CDH12: variants seen among roughly 807,000 people sequenced by gnomAD.
The protein encoded by CDH12 is cadherin 12.
A neutral mutation model predicts 74.1 loss-of-function variants in CDH12; 41 were observed. The observed-to-expected ratio is 0.55, with a 90% confidence interval of 0.43 to 0.72. The LOEUF is 0.72. Ranked by LOEUF, CDH12 falls within the 30% of genes least tolerant of loss-of-function variation. The pLI, the probability that CDH12 is intolerant of heterozygous loss-of-function variation, is 0.00. For missense variants in CDH12, 945 were observed against 977.2 expected (o/e 0.97, Z 0.44); for synonymous variants, 399 against 355.0 (o/e 1.12, Z -1.39).
chr5:22,028,369 C>T (rs1020005365), intron 5 of CDH12, among the ~76,000 whole-genome samples: 3 of 152,206 alleles, frequency 2.0e-5, no homozygotes, highest in African/African-American at 7.2e-5. Context: ...ACCCCATTGT[C>T]TCAGCCCAAA....
At chr5:22,616,427 G>C (rs780444767) in intron 1 of CDH12, among the ~76,000 whole-genome samples, 4 of 151,976 alleles carry the variant, frequency 2.6e-5, no homozygotes, top group Non-Finnish European at 4.4e-5. Context: ...AAAATATCAA[G>C]ATATATATGA....
chr5:22,510,418 A>G (rs1451738133), intron 1 of CDH12, among the ~76,000 whole-genome samples: 1 of 152,218 alleles, frequency 6.6e-6, no homozygotes, highest in Non-Finnish European at 1.5e-5. Context: ...TCTAAATGAT[A>G]CATATAAATA....
At chr5:22,498,849 TATAAG>T (rs1221093380) in intron 2 of CDH12, among the ~76,000 whole-genome samples, 6 of 150,478 alleles carry the variant, frequency 4.0e-5, no homozygotes, top group African/African-American at 1.5e-4. Context: ...ATATAATTTA[TATAAG>T]TAGACATAGA....
chr5:22,404,986 G>T (rs1226781499), intron 3 of CDH12, among the ~76,000 whole-genome samples: 2 of 152,156 alleles, frequency 1.3e-5, no homozygotes, highest in African/African-American at 4.8e-5. Context: ...AAAGCAGGTG[G>T]ATCACCTGAG....
chr5:22,215,017 T>C (rs1465317346), intron 3 of CDH12, among the ~76,000 whole-genome samples: 7 of 152,200 alleles, frequency 4.6e-5, no homozygotes, highest in African/African-American at 1.7e-4. Flanking sequence ...CGTAGTCACA[T>C]GAAAATAACA....
chr5:22,477,193 C>A (rs1398939005), intron 2 of CDH12, among the ~76,000 whole-genome samples: 1 of 152,068 alleles, frequency 6.6e-6, no homozygotes, highest in Admixed American at 6.6e-5. Context: ...AAGATATTAA[C>A]CCTAGTTAAT....
At chr5:22,556,243 G>T (rs13180329) in intron 1 of CDH12, among the ~76,000 whole-genome samples, 1 of 151,908 alleles carries the variant, frequency 6.6e-6, no homozygotes, top group Non-Finnish European at 1.5e-5. Flanking sequence ...CTTTGGAAGG[G>T]TTGGAAGGGG....
At chr5:22,740,779 G>A (rs1157401925) in intron 1 of CDH12, among the ~76,000 whole-genome samples, 1 of 151,966 alleles carries the variant, frequency 6.6e-6, no homozygotes, top group Non-Finnish European at 1.5e-5. Flanking sequence ...GTGATTCCAA[G>A]AATACTTGTA....
intron 3 of CDH12, among the ~76,000 whole-genome samples, chr5:22,316,322 TC>T (rs995859385): frequency 6.6e-6 from 1 of 150,572 alleles, no homozygotes; most frequent in African/African-American, 2.4e-5. Flanking sequence ...TCCAAATAAG[TC>T]CCCCCACCAA....
chr5:22,010,340 A>C (rs968467375), intron 5 of CDH12, among the ~76,000 whole-genome samples: 16 of 152,162 alleles, frequency 1.1e-4, no homozygotes, highest in African/African-American at 3.9e-4. Context: ...TTTTCCTGTG[A>C]TCATGAGAAT....
chr5:22,827,144 C>A (rs950311299), intron 1 of CDH12, among the ~76,000 whole-genome samples: 2 of 152,166 alleles, frequency 1.3e-5, no homozygotes, highest in Non-Finnish European at 2.9e-5. Context: ...TGAGTCCCAG[C>A]CCCTCCAGCC....
intron 5 of CDH12, among the ~76,000 whole-genome samples, chr5:21,991,254 T>TA (rs1757736876): frequency 1.3e-5 from 2 of 151,868 alleles, no homozygotes; most frequent in South Asian, 2.1e-4. Flanking sequence ...TTGAAAGACA[T>TA]AAAATCCATC....
intron 1 of CDH12, among the ~76,000 whole-genome samples, chr5:22,766,373 T>A (rs925964895): frequency 1.2e-4 from 18 of 152,056 alleles, no homozygotes; most frequent in African/African-American, 3.9e-4. Context: ...GATAAATAAG[T>A]ACCTCAATAT....
Position 21,752,039 on chromosome 5 carries a change from G to GT in CDH12, c.2082dup (p.Pro695ThrfsTer16). 6.2e-7 allele frequency: 1 copy of GT among 1,614,068 alleles called. No individual in the cohort carries two copies. Among genetic ancestry groups the GT allele is most frequent in the Non-Finnish European group, 8.5e-7 (1 of 1,179,992 alleles). ...TGACGAGGTAAACAGAGAGAGTCTG[G>GT]TTTTATATCCCTGCGAATTTTGTTC... On this transcript the variant is annotated frameshift_variant, in exon 15 of 15. Transcript: ENST00000382254. LOFTEE classifies it high-confidence loss of function.
chr5:21,792,029 T>C (rs964863260), intron 10 of CDH12, among the ~76,000 whole-genome samples: 6 of 152,078 alleles, frequency 3.9e-5, no homozygotes, highest in African/African-American at 1.2e-4. Context: ...CAGGTCAAAG[T>C]AGAAAATGTT....
intron 3 of CDH12, among the ~76,000 whole-genome samples, chr5:22,227,953 ACT>A (rs1172322215): frequency 6.6e-6 from 1 of 152,124 alleles, no homozygotes; most frequent in Non-Finnish European, 1.5e-5. Context: ...CACACCTGTC[ACT>A]TTTTCCATAG....
intron 1 of CDH12, among the ~76,000 whole-genome samples, chr5:22,765,497 C>A (rs909719610): frequency 6.6e-6 from 1 of 151,804 alleles, no homozygotes; most frequent in African/African-American, 2.4e-5. Context: ...TTTGGAAGAC[C>A]TGGAGTCCCA....
intron 1 of CDH12, among the ~76,000 whole-genome samples, chr5:22,830,951 C>T (rs556950329): frequency 6.6e-6 from 1 of 151,804 alleles, no homozygotes; most frequent in South Asian, 2.1e-4. Flanking sequence ...ACCATATCAA[C>T]ATAACTTTTC....
At chr5:22,763,289 T>TGTGATA (rs145818453) in intron 1 of CDH12, among the ~76,000 whole-genome samples, 40 of 149,918 alleles carry the variant, frequency 2.7e-4, no homozygotes, top group African/African-American at 9.6e-4. Flanking sequence ...TATATTATTA[T>TGTGATA]GTGATACAGT....
Sources: allele counts gnomAD v4.1 joint callset (sites outside exome capture counted in the v4.1 genomes callset), GRCh38; gene constraint gnomAD v4.1.1; transcripts MANE v1.5; gene names NCBI Gene and HGNC (gene_info 2026-07-23, HGNC 2026-07-21).